DRC9: variants seen among roughly 807,000 people sequenced by gnomAD.
DRC9 encodes the protein dynein regulatory complex subunit 9, also known as dynein regulatory complex protein 9.
At chr3:197,943,624 G>T in the DRC9 span, 1 of 712,728 alleles carries the variant, frequency 1.4e-6, no homozygotes, top group Non-Finnish European at 2.2e-6. Flanking sequence ...AGGCCACAGA[G>T]CGAGACCCTG....
the DRC9 span, chr3:197,951,535 TAG>T: frequency 1.9e-6 from 1 of 522,428 alleles, no homozygotes; most frequent in South Asian, 2.0e-5. Flanking sequence ...GTATTATTAG[TAG>T]AGACAGGGTA....
the DRC9 span, among the ~76,000 whole-genome samples, chr3:197,903,782 C>G: frequency 6.6e-6 from 1 of 151,750 alleles, no homozygotes; most frequent in Non-Finnish European, 1.5e-5. Flanking sequence ...AGAGCTCAAA[C>G]AAGTCTATAG....
At chr3:197,954,075 A>C in the DRC9 span, 1 of 1,614,074 alleles carries the variant, frequency 6.2e-7, no homozygotes, top group Non-Finnish European at 8.5e-7. Context: ...GGGCCCATGG[A>C]AACAGTGGCA....
chr3:197,953,935 G>C, the DRC9 span: 1 of 1,554,150 alleles, frequency 6.4e-7, no homozygotes, highest in East Asian at 2.2e-5. Flanking sequence ...CACTCGTGTA[G>C]AGGTCACCTT....
At chr3:197,898,935 C>T in the DRC9 span, among the ~76,000 whole-genome samples, 1 of 152,032 alleles carries the variant, frequency 6.6e-6, no homozygotes, top group Non-Finnish European at 1.5e-5. Flanking sequence ...AAAGAAGGCA[C>T]ATCTTTTTAA....
the DRC9 span, chr3:197,951,204 G>A: frequency 1.5e-5 from 24 of 1,614,028 alleles, no homozygotes; most frequent in Non-Finnish European, 1.9e-5. Context: ...GGGGTCTCCG[G>A]AACCAAAGGG....
At chr3:197,942,173 C>T in the DRC9 span, among the ~76,000 whole-genome samples, 2 of 152,018 alleles carry the variant, frequency 1.3e-5, no homozygotes, top group Admixed American at 6.6e-5. Flanking sequence ...GCTAACAGCA[C>T]GTAACTATAT....
chr3:197,907,134 AGGGT>A, the DRC9 span, among the ~76,000 whole-genome samples: 2 of 152,162 alleles, frequency 1.3e-5, no homozygotes, highest in South Asian at 4.1e-4. Flanking sequence ...CAACATCCTT[AGGGT>A]CACACCTGCC....
chr3:197,937,381 A>G, the DRC9 span, among the ~76,000 whole-genome samples: 3 of 152,196 alleles, frequency 2.0e-5, no homozygotes. Flanking sequence ...GCATCACAAT[A>G]GCTACCAAGC....
chr3:197,954,187 A>C, the DRC9 span: 1 of 1,610,032 alleles, frequency 6.2e-7, no homozygotes. Context: ...CTGATGAATC[A>C]GACTAGGTTC....
the DRC9 span, among the ~76,000 whole-genome samples, chr3:197,932,803 ATATATATGTATTATATATATATGTATT>A: frequency 2.9e-4 from 40 of 138,818 alleles, no homozygotes; most frequent in Non-Finnish European, 4.6e-4. Context: ...CTCAAAAAAT[ATATATATGTATTATATATATATGTATT>A]TATATATGTA....
At chr3:197,936,830 C>A in the DRC9 span, among the ~76,000 whole-genome samples, 3 of 152,094 alleles carry the variant, frequency 2.0e-5, no homozygotes, top group Non-Finnish European at 4.4e-5. Context: ...GGAAAAGATA[C>A]GAGCCACACA....
the DRC9 span, chr3:197,950,182 G>C: frequency 8.1e-7 from 1 of 1,231,628 alleles, no homozygotes; most frequent in Admixed American, 4.2e-5. Flanking sequence ...ACGCGGCGGG[G>C]CCTCGTCCTT....
the DRC9 span, chr3:197,950,228 G>T: frequency 1.6e-6 from 2 of 1,231,232 alleles, no homozygotes; most frequent in East Asian, 3.2e-5. Context: ...GGAGGTGAGT[G>T]AAGGGTCTGC....
chr3:197,932,071 G>T, the DRC9 span: 1 of 1,260,326 alleles, frequency 7.9e-7, no homozygotes, highest in Non-Finnish European at 1.1e-6. Flanking sequence ...TATCTTCCCT[G>T]GAAAGCACAC....
At chr3:197,921,273 A>G in the DRC9 span, among the ~76,000 whole-genome samples, 84 of 95,010 alleles carry the variant, frequency 8.8e-4, 9 homozygotes, top group Middle Eastern at 5.8e-3. Context: ...ATTTAACCTG[A>G]TTTCGTCTTG....
chr3:197,942,560 A>G, the DRC9 span, among the ~76,000 whole-genome samples: 1 of 150,320 alleles, frequency 6.7e-6, no homozygotes, highest in East Asian at 1.9e-4. Context: ...AACAAAATGA[A>G]AAAAAAAGCA....
At chr3:197,899,364 T>C in the DRC9 span, among the ~76,000 whole-genome samples, 1 of 152,026 alleles carries the variant, frequency 6.6e-6, no homozygotes, top group South Asian at 2.1e-4. Context: ...TGACAGCAAT[T>C]CAACAAAGCA....
chr3:197,937,096 G>T, the DRC9 span, among the ~76,000 whole-genome samples: 2 of 152,232 alleles, frequency 1.3e-5, no homozygotes, highest in African/African-American at 4.8e-5. Context: ...AATGGGCGAT[G>T]CCGTATTCCA....
Sources: gnomAD v4.1 joint callset for allele counts (sites outside exome capture counted in the v4.1 genomes callset) on GRCh38, gnomAD v4.1.1 for gene constraint, MANE v1.5 for transcripts, NCBI Gene and HGNC (gene_info 2026-07-23, HGNC 2026-07-21) for gene names.